The following CFAP44 variants were observed in gnomAD, a reference collection of about 807,000 sequenced individuals.
The protein encoded by CFAP44 is cilia and flagella associated protein 44.
In CFAP44, 134 loss-of-function variants were observed where a neutral mutation model predicts 216.2. The ratio of observed to expected loss-of-function variants is 0.62; its 90% CI spans 0.54 to 0.72. CFAP44 has a LOEUF of 0.72. Ranked by LOEUF, CFAP44 falls within the 30% of genes least tolerant of loss-of-function variation. The probability of loss-of-function intolerance (pLI) is 0.00; values close to 1 mark genes in which losing one functional copy is unlikely to be tolerated. For missense variants in CFAP44, 2,035 were observed against 2,182.1 expected, an observed-to-expected ratio of 0.93 and a Z score of 1.34; for synonymous variants, 700 against 727.6, an observed-to-expected ratio of 0.96 and a Z score of 0.61.
At chr3:113,341,536 A>C (rs1950333476) in intron 24 of CFAP44, among the ~76,000 whole-genome samples, 1 of 152,186 alleles carries the variant, frequency 6.6e-6, no homozygotes, top group African/African-American at 2.4e-5. Context: ...CCTGGACCGG[A>C]AACTCTAAGA....
intron 17 of CFAP44, among the ~76,000 whole-genome samples, chr3:113,376,771 A>G (rs1403471634): frequency 4.6e-5 from 7 of 152,224 alleles, no homozygotes; most frequent in African/African-American, 1.7e-4. Flanking sequence ...CTTTTTATGT[A>G]ACAGAGCAAG....
intron 11 of CFAP44, 139 bp from the exon 12 acceptor site, chr3:113,400,783 A>G: frequency 1.3e-6 from 1 of 776,970 alleles, no homozygotes; most frequent in Non-Finnish European, 2.1e-6. Context: ...CTAAAAAGTT[A>G]GAAAGAACAC....
intron 18 of CFAP44, among the ~76,000 whole-genome samples, chr3:113,366,981 C>A (rs1021132354): frequency 1.3e-5 from 2 of 151,776 alleles, no homozygotes; most frequent in African/African-American, 2.4e-5. Context: ...CTGAGATCAA[C>A]CTGTGAGGCT....
At chr3:113,304,142 G>A (rs1250590476) in intron 31 of CFAP44, 25 bp from the exon 32 acceptor site, 2 of 1,522,682 alleles carry the variant, frequency 1.3e-6, no homozygotes, top group Non-Finnish European at 1.8e-6. Flanking sequence ...CAAATCAAAA[G>A]AAAATAGACA....
At chr3:113,439,691 A>C (rs1271722453) in intron 1 of CFAP44, among the ~76,000 whole-genome samples, 1 of 152,184 alleles carries the variant, frequency 6.6e-6, no homozygotes, top group African/African-American at 2.4e-5. Flanking sequence ...ATAAAGAAAA[A>C]GGGAAAATAA....
intron 22 of CFAP44, among the ~76,000 whole-genome samples, chr3:113,350,356 C>CAG (rs60263174): frequency 0.082 from 12,074 of 146,482 alleles, 767 homozygotes; most frequent in African/African-American, 0.16. Context: ...AAGAGAGAGT[C>CAG]AGAGAGAGAG....
chr3:113,342,837 T>TAA (rs545239420), intron 23 of CFAP44, among the ~76,000 whole-genome samples: 390 of 141,088 alleles, frequency 2.8e-3, no homozygotes, highest in East Asian at 9.2e-3. Flanking sequence ...TAAAAATACA[T>TAA]AAAAAAAAAA....
At chr3:113,346,317 T>C (rs1376947197) in intron 22 of CFAP44, among the ~76,000 whole-genome samples, 2 of 151,040 alleles carry the variant, frequency 1.3e-5, no homozygotes, top group Non-Finnish European at 2.9e-5. Context: ...GCGCTCTGTG[T>C]CTAGCTAAAG....
At chr3:113,296,688 A>G (rs1338154291) in intron 33 of CFAP44, 37 bp downstream of exon 33, 1 of 1,528,502 alleles carries the variant, frequency 6.5e-7, no homozygotes. Flanking sequence ...GCCTCCAGCC[A>G]GATTCAACCA....
intron 2 of CFAP44, 83 bp downstream of exon 2, chr3:113,433,482 T>G (rs1254809409): frequency 1.6e-6 from 1 of 636,468 alleles, no homozygotes; most frequent in Admixed American, 2.5e-5. Context: ...ATCCTGCTCT[T>G]TCCATTCTAC....
intron 22 of CFAP44, among the ~76,000 whole-genome samples, chr3:113,346,998 G>A (rs1326482670): frequency 1.3e-5 from 2 of 152,174 alleles, no homozygotes; most frequent in African/African-American, 4.8e-5. Flanking sequence ...CCCACTGGAA[G>A]GAACCAACTC....
At position 113,404,027 on chromosome 3, in the gene CFAP44, T is replaced by G. The variant is rs778779845; in HGVS notation, c.1006-11A>C. Reference sequence around the variant, plus strand: ...TGACCCTGAGAGCACCTGGCAGGTATGTGGAAAAAAGAAATGTGCATTAAA... The same window carrying G: ...TGACCCTGAGAGCACCTGGCAGGTAGGTGGAAAAAAGAAATGTGCATTAAA... On this transcript the variant is annotated splice_polypyrimidine_tract_variant and intron_variant, in intron 8 of 34. Transcript: ENST00000393845. 3 of 1,607,426 alleles carry G rather than the reference T, an allele frequency of 1.9e-6. No homozygotes were observed. The highest frequency in any genetic ancestry group is 2.7e-5 in the African/African-American group (2 of 74,676).
At chr3:113,300,676 GA>G (rs1266192441) in intron 32 of CFAP44, among the ~76,000 whole-genome samples, 29 of 151,608 alleles carry the variant, frequency 1.9e-4, no homozygotes, top group Admixed American at 1.8e-3. Context: ...CAAATCAAGA[GA>G]AAAATGAACA....
At chr3:113,424,149 A>C (rs1385321597) in intron 4 of CFAP44, among the ~76,000 whole-genome samples, 1 of 152,214 alleles carries the variant, frequency 6.6e-6, no homozygotes, top group Non-Finnish European at 1.5e-5. Context: ...TAAAAACTGA[A>C]GTAGAGGGCT....
chr3:113,347,086 C>T (rs376458166), intron 22 of CFAP44, among the ~76,000 whole-genome samples: 3 of 152,142 alleles, frequency 2.0e-5, no homozygotes, highest in Admixed American at 6.5e-5. Context: ...GCTCTTCTGC[C>T]CTATTTTTCC....
rs60590429 is a variant in CFAP44 at position 113,341,729 on chromosome 3, T to TA, written c.3437+14dup. On this transcript the variant is annotated intron_variant, in intron 24 of 34. Transcript: ENST00000393845. ...CATATTAAAAAGATAAGAGTTTAGG[T>TA]AAAAAAAAACTCACAGTTCCTCCCA... 0.046 allele frequency: 66,474 copies of TA among 1,451,760 alleles called. 1,693 individuals are homozygous for TA. Among genetic ancestry groups the TA allele is most frequent in the African/African-American group, 0.13 (8,740 of 68,578 alleles). 89.9% of individuals were successfully genotyped at this position (1,451,760 alleles called of 1,614,324 possible).
chr3:113,382,996 T>C (rs1933553785), intron 15 of CFAP44, among the ~76,000 whole-genome samples: 1 of 152,246 alleles, frequency 6.6e-6, no homozygotes, highest in Non-Finnish European at 1.5e-5. Flanking sequence ...GCCATTTTAA[T>C]CACTAAATTA....
Position 113,327,637 on chromosome 3 carries a change from G to A in CFAP44, c.4299C>T (p.Asp1433=). The part of the protein sequence containing the change: ...NILQERVNSL[D]KEEQYMQWKI... ...ATACTTGCATGTACTGTTCCTCTTTGTCTAAGGAATTAACACGTTCTTGAA... is the reference window on the plus strand; with the variant it reads ...ATACTTGCATGTACTGTTCCTCTTTATCTAAGGAATTAACACGTTCTTGAA... Residue 1433 remains aspartate (D), a synonymous_variant, in exon 27 of 35, where the codon GAC becomes GAT. Coordinates refer to ENST00000393845, the MANE Select transcript of CFAP44 (RefSeq NM_001164496.2). 1 of 1,536,848 alleles carries A rather than the reference G, an allele frequency of 6.5e-7. No homozygotes were observed. Among genetic ancestry groups the A allele is most frequent in the Non-Finnish European group, 8.7e-7 (1 of 1,146,600 alleles).
At position 113,287,037 on chromosome 3, in the gene CFAP44, T is replaced by TA; in HGVS notation, c.*4519dup. Reference sequence around the variant, plus strand: ...AATTCTGGAGAGACATAAGGAGTCCTACCCGTTGAGGTTGGAGAGGGAAAA... The same window carrying TA: ...AATTCTGGAGAGACATAAGGAGTCCTAACCCGTTGAGGTTGGAGAGGGAAAA... On this transcript the variant is annotated 3_prime_UTR_variant, in exon 35 of 35. Transcript: ENST00000393845. 1.3e-6 allele frequency: 1 copy of TA among 777,880 alleles called. No individual in the cohort carries two copies. Among genetic ancestry groups the TA allele is most frequent in the Non-Finnish European group, 2.1e-6 (1 of 475,626 alleles). The allele number at this position is 777,880 out of a possible 1,614,324, so 48.2% of individuals were successfully genotyped here.
Sources: gnomAD v4.1 joint callset for allele counts (sites outside exome capture counted in the v4.1 genomes callset) on GRCh38, gnomAD v4.1.1 for gene constraint, MANE v1.5 for transcripts, NCBI Gene and HGNC (gene_info 2026-07-23, HGNC 2026-07-21) for gene names.